FRMD4A: variants seen among roughly 807,000 people sequenced by gnomAD.
FRMD4A encodes FERM domain containing 4A.
In FRMD4A, 29 loss-of-function variants were observed where a neutral mutation model predicts 129.1. The ratio of observed to expected loss-of-function variants is 0.22; its 90% confidence interval spans 0.17 to 0.31. The LOEUF (loss-of-function observed/expected upper bound fraction) is 0.31. Ranked by LOEUF, FRMD4A falls within the 10% of genes least tolerant of loss-of-function variation. The pLI, the probability that FRMD4A is intolerant of heterozygous loss-of-function variation, is 1.00. For synonymous variants in FRMD4A, 634 were observed against 571.6 expected (o/e 1.11, Z -1.56); for missense variants, 1,272 against 1,375.8 (o/e 0.92, Z 1.19).
chr10:13,871,365 A>C (rs1044057951), intron 2 of FRMD4A, among the ~76,000 whole-genome samples: 3 of 152,176 alleles, frequency 2.0e-5, no homozygotes, highest in Non-Finnish European at 2.9e-5. Context: ...GGCCTCTGAC[A>C]GGAAGAGTTT....
intron 2 of FRMD4A, among the ~76,000 whole-genome samples, chr10:14,097,508 T>C (rs1320007809): frequency 1.3e-5 from 2 of 152,184 alleles, no homozygotes; most frequent in Non-Finnish European, 2.9e-5. Context: ...CTTACCTGTC[T>C]GCCTTACCGA....
At chr10:13,745,166 T>C (rs2091225483) in intron 9 of FRMD4A, among the ~76,000 whole-genome samples, 2 of 152,180 alleles carry the variant, frequency 1.3e-5, no homozygotes, top group Admixed American at 6.5e-5. Context: ...TATCAGAGTA[T>C]ATATACGTGA....
chr10:13,658,148 A>G (rs902942657), intron 21 of FRMD4A, among the ~76,000 whole-genome samples: 2 of 151,006 alleles, frequency 1.3e-5, no homozygotes, highest in East Asian at 1.9e-4. Context: ...AAAAAAAAAA[A>G]AAAAAAAAAG....
At chr10:13,687,111 T>C (rs1160683718) in intron 15 of FRMD4A, among the ~76,000 whole-genome samples, 1 of 152,126 alleles carries the variant, frequency 6.6e-6, no homozygotes, top group African/African-American at 2.4e-5. Flanking sequence ...GCCAACATCA[T>C]GAAACCCCAT....
chr10:14,066,493 A>G (rs1483770636), intron 2 of FRMD4A, among the ~76,000 whole-genome samples: 1 of 151,730 alleles, frequency 6.6e-6, no homozygotes, highest in Non-Finnish European at 1.5e-5. Context: ...GGGAAGATAA[A>G]GAGTGTGAAG....
chr10:14,263,895 T>C (rs1556159), intron 2 of FRMD4A, among the ~76,000 whole-genome samples: 15,126 of 152,092 alleles, frequency 0.099, 1,680 homozygotes, highest in African/African-American at 0.27. Flanking sequence ...TTGGGGTAGA[T>C]TGGAACTGGG....
intron 12 of FRMD4A, among the ~76,000 whole-genome samples, chr10:13,714,140 A>T (rs1022302663): frequency 6.8e-6 from 1 of 146,134 alleles, no homozygotes; most frequent in African/African-American, 2.5e-5. Context: ...GCTCACTGCA[A>T]CCTCTGCTGC....
chr10:13,891,714 A>G, intron 2 of FRMD4A: 1 of 984,854 alleles, frequency 1.0e-6, no homozygotes, highest in Non-Finnish European at 1.2e-6. Flanking sequence ...GCCCGGGCGA[A>G]GGCCCTTGGC....
Position 14,185,705 on chromosome 10 carries a change from C to T in FRMD4A, c.45+144353G>A, listed in dbSNP as rs552210655. 1.5e-4 allele frequency among the ~76,000 whole-genome samples: 23 copies of T among 152,268 alleles called. No individual in the cohort carries two copies. In the East Asian group the frequency reaches 2.7e-3, roughly 18 times the overall value. ...GAGGATAGCAGCAGCTCAACAGTGG[C>T]ACCTTCAGTAGTTCTAGAGAGAAGG... On this transcript the variant is annotated intron_variant, in intron 2 of 24. Coordinates refer to ENST00000357447, the MANE Select transcript of FRMD4A (RefSeq NM_018027.5).
At chr10:13,742,514 T>C (rs887554145) in intron 9 of FRMD4A, among the ~76,000 whole-genome samples, 1 of 152,122 alleles carries the variant, frequency 6.6e-6, no homozygotes, top group Admixed American at 6.5e-5. Flanking sequence ...CAATAGAGGA[T>C]CTTTATTATC....
intron 8 of FRMD4A, among the ~76,000 whole-genome samples, chr10:13,758,019 C>T (rs1266417257): frequency 1.3e-5 from 2 of 152,244 alleles, no homozygotes; most frequent in Admixed American, 6.5e-5. Flanking sequence ...GCTGGGATTA[C>T]AGGCATGAGC....
chr10:13,757,277 T>A (rs1476572858), intron 8 of FRMD4A, among the ~76,000 whole-genome samples: 1 of 152,250 alleles, frequency 6.6e-6, no homozygotes. Context: ...TGAGGTTTTT[T>A]GTTTTACATG....
intron 2 of FRMD4A, among the ~76,000 whole-genome samples, chr10:14,275,264 C>T (rs572364598): frequency 7.2e-5 from 11 of 152,310 alleles, no homozygotes; most frequent in Admixed American, 2.0e-4. Context: ...ACAGTAACAG[C>T]GATTGCCAGA....
intron 2 of FRMD4A, among the ~76,000 whole-genome samples, chr10:14,085,275 G>A (rs368095121): frequency 2.6e-5 from 4 of 152,310 alleles, no homozygotes; most frequent in South Asian, 4.1e-4. Flanking sequence ...GTGGCCTTGC[G>A]CAGGTTATTC....
At chr10:13,717,693 T>G (rs1470191566) in intron 12 of FRMD4A, among the ~76,000 whole-genome samples, 1 of 1,958 alleles carries the variant, frequency 5.1e-4, no homozygotes, top group Admixed American at 0.033. Flanking sequence ...GTTGTTCTTG[T>G]TTTTTTTTTT....
chr10:14,150,218 C>T (rs907079954), intron 2 of FRMD4A, among the ~76,000 whole-genome samples: 1 of 152,106 alleles, frequency 6.6e-6, no homozygotes. Flanking sequence ...GACACAGAGG[C>T]AAACCATATC....
At chr10:14,016,498 T>C (rs1257599485) in intron 2 of FRMD4A, among the ~76,000 whole-genome samples, 1 of 152,252 alleles carries the variant, frequency 6.6e-6, no homozygotes, top group Non-Finnish European at 1.5e-5. Flanking sequence ...TCCTGTCTGT[T>C]CTGCTATAAG....
intron 2 of FRMD4A, among the ~76,000 whole-genome samples, chr10:14,229,726 A>G (rs1843572471): frequency 6.6e-6 from 1 of 152,188 alleles, no homozygotes; most frequent in African/African-American, 2.4e-5. Flanking sequence ...GGTGCGAGCT[A>G]CTGAACCCGA....
At chr10:14,176,466 C>CTTTTTTTTT (rs35347674) in intron 2 of FRMD4A, among the ~76,000 whole-genome samples, 5 of 72,832 alleles carry the variant, frequency 6.9e-5, no homozygotes, top group African/African-American at 2.0e-4. Flanking sequence ...TCACCTCCAT[C>CTTTTTTTTT]TTTTTTTTTT....
Sources: gnomAD v4.1 joint callset for allele counts (sites outside exome capture counted in the v4.1 genomes callset) on GRCh38, gnomAD v4.1.1 for gene constraint, MANE v1.5 for transcripts, NCBI Gene and HGNC (gene_info 2026-07-23, HGNC 2026-07-21) for gene names.